Variants in DBR1 observed in about 807,000 individuals in gnomAD.
DBR1 encodes lariat debranching enzyme.
DBR1 carries 33 observed loss-of-function variants against 45.9 expected under a neutral mutation model. The ratio of observed to expected loss-of-function variants is 0.72; its 90% CI spans 0.55 to 0.96. DBR1 has a LOEUF of 0.96. DBR1 is among the 40% of genes least tolerant of loss of function. The pLI, the probability that DBR1 is intolerant of heterozygous loss-of-function variation, is 0.00. For synonymous variants in DBR1, 235 were observed against 235.9 expected (o/e 1.00, Z 0.04); for missense variants, 619 against 667.4 (o/e 0.93, Z 0.80).
At chr3:138,163,302 T>C in intron 7 of DBR1, 47 bp downstream of exon 7, 2 of 1,593,298 alleles carry the variant, frequency 1.3e-6, no homozygotes, top group Non-Finnish European at 1.7e-6. Context: ...GATATAAAAA[T>C]TATGCATGCA....
chr3:138,174,565 C>A (rs371434724), intron 1 of DBR1, 34 bp downstream of exon 1: 8 of 1,534,732 alleles, frequency 5.2e-6, no homozygotes, highest in African/African-American at 4.1e-5. Context: ...TCCCACCCCC[C>A]CACCGCCAAG....
chr3:138,173,420 C>G, intron 2 of DBR1, 82 bp downstream of exon 2: 1 of 1,441,034 alleles, frequency 6.9e-7, no homozygotes, highest in Non-Finnish European at 9.7e-7. Context: ...CCATACATGT[C>G]AAGACACAGT....
In DBR1 at chr3:138,171,624, A is replaced by C. The variant is rs80230030; in HGVS notation, c.403+9T>G. On this transcript the variant is annotated intron_variant, in intron 3 of 7. Coordinates refer to ENST00000260803, the MANE Select transcript of DBR1 (RefSeq NM_016216.4). ...TTCTAAAGTTTAAAAATAATTCTCA[A>C]AACAATACCTTTTCGATAGTCATGA... is the stretch of plus-strand genomic sequence containing the variant. 1.1e-5 allele frequency: 17 copies of C among 1,603,518 alleles called. No homozygotes were observed. The highest frequency in any genetic ancestry group is 1.4e-5 in the Non-Finnish European group (16 of 1,170,894).
At chr3:138,163,518 G>T in intron 6 of DBR1, 24 bp from the exon 7 acceptor site, 1 of 1,443,012 alleles carries the variant, frequency 6.9e-7, no homozygotes, top group South Asian at 1.4e-5. Flanking sequence ...TCAATGTTAA[G>T]AAATACATAT....
rs1015044316 is a variant in DBR1 at position 138,174,600 on chromosome 3, T to C, written c.196A>G (p.Arg66Gly). Reference sequence around the variant, plus strand: ...GTCCGGGCCCGGCCGCGTCCTCACCTGTAGAAGGTTTGCATGTGACGATAC... The same window carrying C: ...GTCCGGGCCCGGCCGCGTCCTCACCCGTAGAAGGTTTGCATGTGACGATAC... ...PKYRHMQTFY[R>G]YYSGEKKAPV... The change falls in exon 1 of 8, where the codon AGG (arginine) becomes GGG (glycine). Residue 66 changes from arginine (R) to glycine (G), a missense_variant and splice_region_variant. This residue lies in a region of DBR1 where 430 missense variants were observed against 447.7 expected (regional missense o/e 0.96). Transcript: ENST00000260803. The C allele has an allele frequency of 3.5e-6, 5 of 1,434,764 alleles. No homozygotes were observed. Among genetic ancestry groups the C allele is most frequent in the Non-Finnish European group, 4.7e-6 (5 of 1,060,626 alleles). The allele number at this position is 1,434,764 out of a possible 1,614,324, so 88.9% of individuals were successfully genotyped here. A position where few individuals can be genotyped will look rare whatever the true frequency, so the allele number is the denominator to read the frequency against.
At chr3:138,171,475 C>CAAA (rs906867666) in intron 3 of DBR1, 158 bp downstream of exon 3, 43 of 69,522 alleles carry the variant, frequency 6.2e-4, no homozygotes, top group Non-Finnish European at 7.1e-4. Context: ...AACTCTGTCT[C>CAAA]AAAAAAAAAA....
At position 138,174,669 on chromosome 3, in the gene DBR1, C is replaced by A; in HGVS notation, c.127G>T (p.Val43Leu). 8 of 1,612,786 alleles carry A rather than the reference C, an allele frequency of 5.0e-6. No homozygotes were observed. Among genetic ancestry groups the A allele is most frequent in the Non-Finnish European group, 6.8e-6 (8 of 1,179,568 alleles). The part of the protein sequence containing the change: ...LLLCCGDFQA[V>L]RNEADLRCMA... ...CAGCGTAGATCCGCCTCGTTGCGCACCGCCTGGAAGTCGCCGCAGCACAGC... is the reference window on the plus strand; with the variant it reads ...CAGCGTAGATCCGCCTCGTTGCGCAACGCCTGGAAGTCGCCGCAGCACAGC... The change falls in exon 1 of 8, where the codon GTG (valine) becomes TTG (leucine). Residue 43 changes from valine (V) to leucine (L), a missense_variant. This residue lies in a region of DBR1 where 430 missense variants were observed against 447.7 expected (regional missense o/e 0.96). Coordinates refer to ENST00000260803, the MANE Select transcript of DBR1 (RefSeq NM_016216.4).
At chr3:138,163,525 A>G (rs1445651256) in intron 6 of DBR1, 31 bp from the exon 7 acceptor site, 4 of 1,381,360 alleles carry the variant, frequency 2.9e-6, no homozygotes, top group South Asian at 3.0e-5. Context: ...TAAGAAATAC[A>G]TATATATTTG....
intron 4 of DBR1, among the ~76,000 whole-genome samples, chr3:138,167,674 G>A (rs369166061): frequency 1.3e-5 from 2 of 152,160 alleles, no homozygotes; most frequent in African/African-American, 2.4e-5. Context: ...GGCCGGGCGC[G>A]GTGGCTCACG....
Position 138,174,676 on chromosome 3 carries a change from G to C in DBR1, c.120C>G (p.Phe40Leu). ...PVDLLLCCGD[F>L]QAVRNEADLR... ...GATCCGCCTCGTTGCGCACCGCCTG[G>C]AAGTCGCCGCAGCACAGCAAGAGGT... The change falls in exon 1 of 8, where the codon TTC becomes TTG. Residue 40 changes from phenylalanine (F) to leucine (L), a missense_variant. Phe to Leu is a conservative substitution (Grantham distance 22). Around this residue, in one of 3 missense-constraint regions of DBR1, gnomAD observed 430 missense variants for 447.7 expected, o/e 0.96. Transcript: ENST00000260803. 1 of 1,612,834 alleles carries C rather than the reference G, an allele frequency of 6.2e-7. No homozygotes were observed.
Position 138,174,919 on chromosome 3 carries a change from T to A in DBR1, c.-124A>T. On this transcript the variant is annotated 5_prime_UTR_variant, in exon 1 of 8. Coordinates refer to ENST00000260803, the MANE Select transcript of DBR1 (RefSeq NM_016216.4). Reference sequence around the variant, plus strand: ...TAGCCACCGCCTGGGTGTAGACTCCTGCAAAATAATTCACTTCCGGTTTCC... The same window carrying A: ...TAGCCACCGCCTGGGTGTAGACTCCAGCAAAATAATTCACTTCCGGTTTCC... The A allele has an allele frequency of 1.2e-6, 1 of 827,240 alleles. No homozygotes were observed. The highest frequency in any genetic ancestry group is 1.8e-6 in the Non-Finnish European group (1 of 546,986). The allele number at this position is 827,240 out of a possible 1,614,324, so 51.2% of individuals were successfully genotyped here. A position where few individuals can be genotyped will look rare whatever the true frequency, so the allele number is the denominator to read the frequency against.
At position 138,174,588 on chromosome 3, in the gene DBR1, CG is replaced by C; in HGVS notation, c.197+10del. ...CCCCACCGCCAAGTCCGGGCCCGGC[CG>C]CGTCCTCACCTGTAGAAGGTTTGCA... On this transcript the variant is annotated intron_variant, in intron 1 of 7. Transcript: ENST00000260803. 1 of 1,597,164 alleles carries C rather than the reference CG, an allele frequency of 6.3e-7. No individual in the cohort carries two copies. Among genetic ancestry groups the C allele is most frequent in the South Asian group, 1.1e-5 (1 of 88,840 alleles).
At chr3:138,167,414 T>G in intron 4 of DBR1, 109 bp from the exon 5 acceptor site, 79 of 703,186 alleles carry the variant, frequency 1.1e-4, no homozygotes, top group Non-Finnish European at 1.5e-4. Context: ...CTGAGATCTC[T>G]AGAATTCTGT....
At chr3:138,168,483 GCACT>G (rs2042940397) in intron 4 of DBR1, among the ~76,000 whole-genome samples, 1 of 148,990 alleles carries the variant, frequency 6.7e-6, no homozygotes, top group African/African-American at 2.5e-5. Context: ...TCGCACTGTT[GCACT>G]CCAGCTTGGG....
rs1045336317 is a variant in DBR1 at position 138,171,472 on chromosome 3, T to C, written c.403+161A>G. 9 of 426,644 alleles carry C rather than the reference T, an allele frequency of 2.1e-5. No homozygotes were observed. The African/African-American group carries it at 2.5e-4, about 12-fold the overall frequency. 26.4% of individuals were successfully genotyped at this position (426,644 alleles called of 1,614,324 possible). On this transcript the variant is annotated intron_variant, in intron 3 of 7. Transcript: ENST00000260803. The stretch of plus-strand genomic sequence containing the variant: ...CATGGACACCAAGAACGAAACTCTG[T>C]CTCAAAAAAAAAAAAAAAAAAAAAA...
intron 5 of DBR1, chr3:138,164,061 T>C (rs1559882529): frequency 2.6e-6 from 1 of 389,022 alleles, no homozygotes; most frequent in East Asian, 4.2e-5. Flanking sequence ...TCTCAGACCT[T>C]CAATTTCCAT....
At position 138,170,319 on chromosome 3, in the gene DBR1, G is replaced by C. The variant is rs115083537; in HGVS notation, c.404-127C>G. 1,080 of 600,530 alleles carry C rather than the reference G, an allele frequency of 1.8e-3. 6 individuals carry two copies. In the African/African-American group the frequency reaches 0.018, roughly 10 times the overall value. 37.2% of individuals were successfully genotyped at this position (600,530 alleles called of 1,614,324 possible). A position where few individuals can be genotyped will look rare whatever the true frequency, so the allele number is the denominator to read the frequency against. On this transcript the variant is annotated intron_variant, in intron 3 of 7. Coordinates refer to ENST00000260803, the MANE Select transcript of DBR1 (RefSeq NM_016216.4). ...ATATACGATTTTAAAAAGTTATCTA[G>C]GGAAATTTTTTAAAAAGATGGTGGA...
In DBR1 at chr3:138,174,789, C is replaced by T. The variant is rs2042971870; in HGVS notation, c.7G>A (p.Val3Met). The T allele has an allele frequency of 6.2e-7, 1 of 1,611,222 alleles. No individual in the cohort carries two copies. MR[V>M]AVAGCCHGEL... ...CCGTGGCAGCAGCCAGCCACAGCCA[C>T]CCGCATTCTGCCGGCCTGAGGAGGT... Residue 3 changes from valine (V) to methionine (M), a missense_variant, in exon 1 of 8, where the codon GTG (valine) becomes ATG (methionine). By Grantham distance (21) the Val-to-Met change is conservative. Transcript: ENST00000260803.
chr3:138,164,035 G>A (rs2042919503), intron 5 of DBR1, 177 bp from the exon 6 acceptor site: 1 of 441,402 alleles, frequency 2.3e-6, no homozygotes, highest in Non-Finnish European at 4.1e-6. Flanking sequence ...TGTGATAAAA[G>A]AGAAGGCATT....
Sources: allele counts gnomAD v4.1 joint callset (sites outside exome capture counted in the v4.1 genomes callset), GRCh38; gene constraint gnomAD v4.1.1; regional missense constraint gnomAD v4.1.1; transcripts MANE v1.5; gene names NCBI Gene and HGNC (gene_info 2026-07-23, HGNC 2026-07-21).